Variants in ABL1 observed in about 807,000 individuals in gnomAD.
ABL1 encodes the protein tyrosine-protein kinase ABL1.
In ABL1, 11 loss-of-function variants were observed where a neutral mutation model predicts 94.7. That is an observed-to-expected ratio of 0.12 (90% CI 0.07 to 0.19). The LOEUF is 0.19. Ranked by LOEUF, ABL1 falls within the 10% of genes least tolerant of loss-of-function variation. The pLI, the probability that ABL1 is intolerant of heterozygous loss-of-function variation, is 1.00. For synonymous variants in ABL1, 656 were observed against 622.4 expected (o/e 1.05, Z -0.80); for missense variants, 1,082 against 1,489.4 (o/e 0.73, Z 4.50).
intron 10 of ABL1, among the ~76,000 whole-genome samples, chr9:130,881,235 T>C (rs901388113): frequency 6.6e-6 from 1 of 152,082 alleles, no homozygotes; most frequent in African/African-American, 2.4e-5. Flanking sequence ...GTAGTGTGCC[T>C]ACTACAGGCC....
Position 130,835,444 on chromosome 9 carries a change from A to T in ABL1, c.-3A>T. ...CCGGCCCCCGACGTGCTGGCGCGGGAAAATGTTGGAGATCTGCCTGAAGCT... is the reference window on the plus strand; with the variant it reads ...CCGGCCCCCGACGTGCTGGCGCGGGTAAATGTTGGAGATCTGCCTGAAGCT... On this transcript the variant is annotated 5_prime_UTR_variant, in exon 1 of 11. Coordinates refer to ENST00000318560, the MANE Select transcript of ABL1 (RefSeq NM_005157.6). The surrounding 1 kb of genome is among the most constrained non-coding windows in gnomAD (Gnocchi z 4.6). 1 of 1,538,204 alleles carries T rather than the reference A, an allele frequency of 6.5e-7. No homozygotes were observed. Among genetic ancestry groups the T allele is most frequent in the Non-Finnish European group, 8.8e-7 (1 of 1,138,726 alleles).
chr9:130,775,816 C>T (rs1832304405), intron 1 of ABL1, among the ~76,000 whole-genome samples: 1 of 151,786 alleles, frequency 6.6e-6, no homozygotes, highest in Non-Finnish European at 1.5e-5. Flanking sequence ...ATCTTAAAAG[C>T]AATCAGAGAG....
At chr9:130,827,887 CTG>C (rs1377950755) in intron 1 of ABL1, among the ~76,000 whole-genome samples, 2 of 129,852 alleles carry the variant, frequency 1.5e-5, no homozygotes, top group Non-Finnish European at 3.3e-5. Flanking sequence ...GAGTGAGACT[CTG>C]TCTCAAAAAT....
At chr9:130,794,998 AG>A (rs2132814914) in intron 1 of ABL1, among the ~76,000 whole-genome samples, 1 of 152,330 alleles carries the variant, frequency 6.6e-6, no homozygotes, top group African/African-American at 2.4e-5. Context: ...CACCATAAAT[AG>A]TAGATTAATC....
At chr9:130,728,424 C>T (rs183606787) in intron 1 of ABL1, among the ~76,000 whole-genome samples, 2,986 of 142,534 alleles carry the variant, frequency 0.021, 46 homozygotes, top group Non-Finnish European at 0.031. Flanking sequence ...TTTGCTCTGT[C>T]GCCCAGGCTG....
At chr9:130,836,824 CAAA>C (rs565723193) in intron 1 of ABL1, among the ~76,000 whole-genome samples, 1,726 of 77,124 alleles carry the variant, frequency 0.022, 23 homozygotes, top group African/African-American at 0.063. Context: ...GACTCGGTCT[CAAA>C]AAAAAAAAAA....
upstream of ABL1, among the ~76,000 whole-genome samples, chr9:130,833,019 CATT>C (rs1182019588): frequency 6.6e-6 from 1 of 152,034 alleles, no homozygotes; most frequent in Non-Finnish European, 1.5e-5. Flanking sequence ...AGTTTATAAG[CATT>C]ATTCATTTTA....
intron 3 of ABL1, among the ~76,000 whole-genome samples, chr9:130,860,783 CAG>C (rs1442523329): frequency 6.6e-5 from 10 of 152,134 alleles, no homozygotes; most frequent in African/African-American, 2.2e-4. Context: ...AACGTGAGAA[CAG>C]GGGTTGGAGC....
At chr9:130,737,831 CTTT>C (rs55666318) in intron 1 of ABL1, among the ~76,000 whole-genome samples, 11 of 134,514 alleles carry the variant, frequency 8.2e-5, no homozygotes, top group Non-Finnish European at 8.0e-5. Flanking sequence ...AGAACAGTGT[CTTT>C]TTTTTTTTTT....
At chr9:130,743,414 A>C (rs1017701439) in intron 1 of ABL1, among the ~76,000 whole-genome samples, 1 of 152,172 alleles carries the variant, frequency 6.6e-6, no homozygotes, top group Non-Finnish European at 1.5e-5. Flanking sequence ...GTAGCCTCTA[A>C]GATGACCCCC....
At chr9:130,767,019 C>A (rs1311471502) in intron 1 of ABL1, among the ~76,000 whole-genome samples, 2 of 152,198 alleles carry the variant, frequency 1.3e-5, no homozygotes. Flanking sequence ...TTGTTTACTG[C>A]CAGTGCTTTT....
At position 130,872,575 on chromosome 9, in the gene ABL1, G is replaced by A. The variant is rs1031487503; in HGVS notation, c.908-285G>A. Among the ~76,000 whole-genome samples the A allele has an allele frequency of 1.3e-5, 2 of 152,200 alleles. No homozygotes were observed. Among genetic ancestry groups the A allele is most frequent in the African/African-American group, 2.4e-5 (1 of 41,440 alleles). On this transcript the variant is annotated intron_variant, in intron 5 of 10. Coordinates refer to ENST00000318560, the MANE Select transcript of ABL1 (RefSeq NM_005157.6). This position sits in a 1 kb window ranked among gnomAD's most constrained non-coding sequence, Gnocchi z 5.0. ...CCTAACCATTCAGGGGTAAACTGAC[G>A]GTGGTGAAGGTCATTTGAGGTGGGG...
At chr9:130,841,779 T>C (rs1375165747) in intron 1 of ABL1, among the ~76,000 whole-genome samples, 2 of 151,910 alleles carry the variant, frequency 1.3e-5, no homozygotes, top group South Asian at 2.1e-4. Context: ...ACCATTGTAC[T>C]CCAGCCTGGG....
At chr9:130,714,540 C>G (rs369827228) in intron 1 of ABL1, 29 of 1,529,628 alleles carry the variant, frequency 1.9e-5, no homozygotes, top group Admixed American at 6.7e-5. Flanking sequence ...ACAGTACTTG[C>G]GACAGTTCCT....
intron 1 of ABL1, among the ~76,000 whole-genome samples, chr9:130,813,289 C>T (rs891663765): frequency 2.3e-5 from 3 of 132,238 alleles, no homozygotes; most frequent in African/African-American, 5.7e-5. Context: ...TGGCCAGGTG[C>T]GGTGGCTCAC....
Position 130,880,768 on chromosome 9 carries a change from A to G in ABL1, c.1678+104A>G. On this transcript the variant is annotated intron_variant, in intron 10 of 10. Coordinates refer to ENST00000318560, the MANE Select transcript of ABL1 (RefSeq NM_005157.6). This position sits in a 1 kb window ranked among gnomAD's most constrained non-coding sequence, Gnocchi z 4.4. Reference sequence around the variant, plus strand: ...GGGAAGCTGTGAATGGAGCCCGCACAGAAGGGCAGCCATGGCCTTTGTCAA... The same window carrying G: ...GGGAAGCTGTGAATGGAGCCCGCACGGAAGGGCAGCCATGGCCTTTGTCAA... 6.6e-6 allele frequency: 9 copies of G among 1,368,160 alleles called. No homozygotes were observed. In the South Asian group the frequency reaches 9.9e-5, roughly 15 times the overall value. The allele number at this position is 1,368,160 out of a possible 1,614,324, so 84.8% of individuals were successfully genotyped here.
chr9:130,858,783 G>A (rs931981196), intron 3 of ABL1, among the ~76,000 whole-genome samples: 1 of 152,152 alleles, frequency 6.6e-6, no homozygotes, highest in African/African-American at 2.4e-5. Context: ...TTTTAAATTA[G>A]CTCATCTTTA....
At chr9:130,747,705 A>G (rs1230291364) in intron 1 of ABL1, among the ~76,000 whole-genome samples, 1 of 152,094 alleles carries the variant, frequency 6.6e-6, no homozygotes, top group Non-Finnish European at 1.5e-5. Context: ...GAGCCACTGT[A>G]CCCAGCCCCA....
intron 1 of ABL1, among the ~76,000 whole-genome samples, chr9:130,845,716 G>A (rs959629744): frequency 2.0e-5 from 3 of 152,102 alleles, no homozygotes; most frequent in Non-Finnish European, 4.4e-5. Context: ...AGTTATTTAA[G>A]GCATTAATAA....
Sources: gnomAD v4.1 joint callset for allele counts (sites outside exome capture counted in the v4.1 genomes callset) on GRCh38, gnomAD v4.1.1 for gene constraint, Gnocchi (gnomAD v3.1) non-coding constraint, MANE v1.5 for transcripts, NCBI Gene and HGNC (gene_info 2026-07-23, HGNC 2026-07-21) for gene names.